The following JMY variants were observed in gnomAD, a reference collection of about 807,000 sequenced individuals.
The protein encoded by JMY is junction mediating and regulatory protein, p53 cofactor.
In JMY, 46 loss-of-function variants were observed where a neutral mutation model predicts 103.3. The ratio of observed to expected loss-of-function variants is 0.45; its 90% CI spans 0.35 to 0.57. The LOEUF (loss-of-function observed/expected upper bound fraction) is 0.57, where lower values mean the gene tolerates loss of function less well. JMY is among the 20% of genes least tolerant of loss of function. JMY has a pLI of 0.00. For missense variants in JMY, 1,238 were observed against 1,255.2 expected (o/e 0.99, Z 0.21); for synonymous variants, 526 against 489.3 (o/e 1.07, Z -0.99).
chr5:79,300,406 A>G, intron 5 of JMY, 88 bp downstream of exon 5: 2 of 1,325,610 alleles, frequency 1.5e-6, no homozygotes, highest in Non-Finnish European at 2.0e-6. Flanking sequence ...TTTTGTTAAG[A>G]CATTTAAAAA....
intron 1 of JMY, among the ~76,000 whole-genome samples, chr5:79,258,102 A>T (rs373796352): frequency 2.0e-5 from 3 of 152,110 alleles, no homozygotes; most frequent in African/African-American, 7.2e-5. Context: ...CAGAGTGTGT[A>T]TGTACATTTT....
rs1368175848 is a variant in JMY at position 79,284,517 on chromosome 5, G to T, written c.1207-5604G>T. On this transcript the variant is annotated intron_variant, in intron 2 of 10. Transcript: ENST00000396137. ...TTAGTAAAACCAACACAGAACAGACGAAGCAAGTAACCATCAATAGTCCTG... is the reference window on the plus strand; with the variant it reads ...TTAGTAAAACCAACACAGAACAGACTAAGCAAGTAACCATCAATAGTCCTG... The T allele has an allele frequency of 2.5e-6, 4 of 1,586,150 alleles. 1 individual carries two copies. In the South Asian group the frequency reaches 4.4e-5, roughly 18 times the overall value.
intron 1 of JMY, among the ~76,000 whole-genome samples, chr5:79,255,128 C>CTTTTTTTTTTTTTTTTT (rs71615518): frequency 7.2e-6 from 1 of 139,808 alleles, no homozygotes. Flanking sequence ...TCTCTCTCTC[C>CTTTTTTTTTTTTTTTTT]TTTTTTTTGA....
chr5:79,265,256 T>C (rs1380917789), intron 1 of JMY, among the ~76,000 whole-genome samples: 2 of 152,214 alleles, frequency 1.3e-5, no homozygotes, highest in Admixed American at 6.5e-5. Flanking sequence ...AAAAATGTTA[T>C]ATGTTTTAAT....
intron 2 of JMY, chr5:79,284,444 C>T (rs1294002911): frequency 2.1e-5 from 33 of 1,552,644 alleles, no homozygotes; most frequent in African/African-American, 8.1e-5. Flanking sequence ...TTGGCGGACC[C>T]GTTGGTGCTG....
chr5:79,307,850 T>C (rs1171592478), intron 7 of JMY, among the ~76,000 whole-genome samples: 1 of 152,124 alleles, frequency 6.6e-6, no homozygotes, highest in Admixed American at 6.6e-5. Flanking sequence ...GCAATTCTCC[T>C]GTCTCAGCCT....
At chr5:79,249,055 G>A (rs147180173) in intron 1 of JMY, among the ~76,000 whole-genome samples, 1 of 152,164 alleles carries the variant, frequency 6.6e-6, no homozygotes, top group Non-Finnish European at 1.5e-5. Context: ...GAGCCACTGT[G>A]CCTGCCCTTT....
intron 7 of JMY, 55 bp downstream of exon 7, chr5:79,306,516 A>G: frequency 1.7e-6 from 2 of 1,185,354 alleles, no homozygotes; most frequent in Non-Finnish European, 2.5e-6. Context: ...CATGTTTTAG[A>G]GTGGATAAAA....
At chr5:79,287,808 A>C (rs941695914) in intron 2 of JMY, among the ~76,000 whole-genome samples, 13 of 152,236 alleles carry the variant, frequency 8.5e-5, no homozygotes, top group Non-Finnish European at 1.8e-4. Context: ...TAGACTTTTC[A>C]AAAAAGGTAT....
intron 1 of JMY, among the ~76,000 whole-genome samples, chr5:79,240,921 CTAT>C (rs1477677977): frequency 1.3e-5 from 2 of 152,186 alleles, no homozygotes; most frequent in Non-Finnish European, 2.9e-5. Context: ...GTGGAATTGG[CTAT>C]AGCTTTTCAA....
intron 7 of JMY, among the ~76,000 whole-genome samples, chr5:79,311,108 T>A (rs185134629): frequency 6.6e-6 from 1 of 152,008 alleles, no homozygotes; most frequent in Non-Finnish European, 1.5e-5. Flanking sequence ...AGTATATTAC[T>A]AGATTGCATT....
intron 2 of JMY, among the ~76,000 whole-genome samples, chr5:79,287,371 T>A (rs1746298734): frequency 6.6e-6 from 1 of 152,252 alleles, no homozygotes; most frequent in African/African-American, 2.4e-5. Flanking sequence ...TAGACAAGAA[T>A]GTACACACAT....
intron 5 of JMY, 47 bp downstream of exon 5, chr5:79,300,365 T>G (rs764340363): frequency 6.9e-7 from 1 of 1,449,816 alleles, no homozygotes; most frequent in Non-Finnish European, 9.2e-7. Context: ...ATTGAATACA[T>G]GAGAAAATAC....
chr5:79,239,078 T>C (rs1259765345), intron 1 of JMY, among the ~76,000 whole-genome samples: 1 of 152,238 alleles, frequency 6.6e-6, no homozygotes, highest in Non-Finnish European at 1.5e-5. Flanking sequence ...CATGTTTTTT[T>C]CGTAGAATAT....
rs368635861 is a variant in JMY, at chr5:79,237,404, T to C, written c.754T>C (p.Leu252=). ...GCAGCTGTGCTCGGTGAACTCGCAG[T>C]TGGAGCCGTGCCTGCCGGTGTTCCC... ...HQQLCSVNSQ[L]EPCLPVFPEE... is the part of the protein sequence containing the mutation. The change falls in exon 1 of 11, where the codon TTG becomes CTG. Residue 252 remains leucine (L), a synonymous_variant. Transcript: ENST00000396137. 2.7e-4 allele frequency: 435 copies of C among 1,613,160 alleles called. 2 individuals are homozygous for C. Among genetic ancestry groups the C allele is most frequent in the Non-Finnish European group, 3.0e-5 (35 of 1,179,928 alleles).
intron 1 of JMY, among the ~76,000 whole-genome samples, chr5:79,271,948 T>C (rs1162797799): frequency 1.3e-5 from 2 of 151,900 alleles, no homozygotes; most frequent in Non-Finnish European, 1.5e-5. Flanking sequence ...CTGTCTCTAC[T>C]AAAATACAAA....
chr5:79,284,607 T>A, intron 2 of JMY: 1 of 1,545,506 alleles, frequency 6.5e-7, no homozygotes, highest in Non-Finnish European at 8.8e-7. Context: ...TTGTCACAGG[T>A]AAGATCCATG....
intron 1 of JMY, among the ~76,000 whole-genome samples, chr5:79,268,519 G>A (rs1054721267): frequency 7.3e-5 from 11 of 151,588 alleles, no homozygotes; most frequent in East Asian, 5.8e-4. Context: ...ATGGCGTCTC[G>A]CTCTGTCGCC....
chr5:79,257,862 A>G (rs1224455768), intron 1 of JMY, among the ~76,000 whole-genome samples: 1 of 152,002 alleles, frequency 6.6e-6, no homozygotes, highest in Admixed American at 6.6e-5. Flanking sequence ...TCCTGTGTTC[A>G]AGCAATTCTC....
Sources: allele counts gnomAD v4.1 joint callset (sites outside exome capture counted in the v4.1 genomes callset), GRCh38; gene constraint gnomAD v4.1.1; transcripts MANE v1.5; gene names NCBI Gene and HGNC (gene_info 2026-07-23, HGNC 2026-07-21).